The following SLC39A12 variants were observed in gnomAD, a reference collection of about 807,000 sequenced individuals.
SLC39A12 encodes solute carrier family 39 member 12, also known as zinc transporter ZIP12.
In SLC39A12, 63 loss-of-function variants were observed where a neutral mutation model predicts 71.1. That is an observed-to-expected ratio of 0.89 (90% confidence interval 0.72 to 1.09). SLC39A12 has a LOEUF of 1.09. Ranked by LOEUF, SLC39A12 falls within the 50% of genes least tolerant of loss-of-function variation. The pLI is 0.00. For missense variants in SLC39A12, 892 were observed against 812.6 expected (o/e 1.10, Z -1.19); for synonymous variants, 351 against 301.3 (o/e 1.16, Z -1.71).
chr10:17,974,246 C>G (rs1016397908), intron 4 of SLC39A12, among the ~76,000 whole-genome samples: 5 of 152,152 alleles, frequency 3.3e-5, no homozygotes, highest in African/African-American at 1.2e-4. Context: ...CTCTGTTTCT[C>G]CAGAATTGTT....
intron 12 of SLC39A12, among the ~76,000 whole-genome samples, chr10:18,029,776 A>C (rs1466046287): frequency 1.3e-5 from 2 of 151,670 alleles, no homozygotes; most frequent in Non-Finnish European, 2.9e-5. Context: ...AAATGGTGGC[A>C]TTTAAACTCC....
intron 4 of SLC39A12, among the ~76,000 whole-genome samples, chr10:17,976,285 A>G (rs570588000): frequency 2.0e-5 from 3 of 152,198 alleles, no homozygotes; most frequent in Non-Finnish European, 1.5e-5. Context: ...CTCTTTGAAT[A>G]TATCATTTCA....
intron 12 of SLC39A12, among the ~76,000 whole-genome samples, chr10:18,025,203 T>G: frequency 6.6e-6 from 1 of 150,736 alleles, no homozygotes; most frequent in East Asian, 1.9e-4. Context: ...TAATGAAGCA[T>G]TTTACATGGT....
In SLC39A12 at chr10:18,014,019, G is replaced by T. The variant is rs1836309190; in HGVS notation, c.1947+10661G>T. On this transcript the variant is annotated intron_variant, in intron 12 of 12. Transcript: ENST00000377369. ...TTTAAAAAAAGTGATTGGGATTTTG[G>T]TAGAGATTACGTTTAGTCTGTACTT... Among the ~76,000 whole-genome samples the T allele has an allele frequency of 3.3e-5, 5 of 152,170 alleles. No individual in the cohort carries two copies. In the South Asian group the frequency reaches 1.0e-3, roughly 32 times the overall value.
At chr10:17,989,695 G>C (rs971299343) in intron 7 of SLC39A12, among the ~76,000 whole-genome samples, 6 of 152,146 alleles carry the variant, frequency 3.9e-5, no homozygotes, top group African/African-American at 1.4e-4. Flanking sequence ...AAGACAGGCG[G>C]ATCACCTGAG....
At chr10:18,024,040 C>G (rs1305854607) in intron 12 of SLC39A12, among the ~76,000 whole-genome samples, 1 of 152,060 alleles carries the variant, frequency 6.6e-6, no homozygotes, top group Non-Finnish European at 1.5e-5. Context: ...AAAGGGCAGG[C>G]CTGTTGGTTA....
chr10:17,991,169 C>T lies in SLC39A12; in HGVS notation c.1288C>T (p.Gln430Ter). Residue 430 changes from glutamine to a stop codon, truncating the protein, a stop_gained, in exon 8 of 13, where the codon CAG becomes TAG. Transcript: ENST00000377369. LOFTEE classifies it high-confidence loss of function. ...CCTGAAGGTTCTTGGTTTACATAAG[C>T]AGGAAGCCCCAGAATTTGGGCATTT... ...LIPQVLGLHKQEAPEFGHFHE... is the reference protein window; with the variant it reads ...LIPQVLGLHK 1 of 1,535,104 alleles carries T rather than the reference C, an allele frequency of 6.5e-7. No homozygotes were observed. Among genetic ancestry groups the T allele is most frequent in the Non-Finnish European group, 8.7e-7 (1 of 1,148,690 alleles).
At chr10:17,992,695 A>C (rs916582104) in intron 8 of SLC39A12, among the ~76,000 whole-genome samples, 2 of 152,352 alleles carry the variant, frequency 1.3e-5, no homozygotes, top group Admixed American at 6.5e-5. Flanking sequence ...CTGAACATCC[A>C]AAAATGTAGA....
chr10:18,036,415 G>T lies in SLC39A12; in HGVS notation c.1948-6290G>T, dbSNP rs961282960. Among the ~76,000 whole-genome samples, 10 of 152,112 alleles carry T rather than the reference G, an allele frequency of 6.6e-5. No individual in the cohort carries two copies. The East Asian group carries it at 1.8e-3, about 27-fold the overall frequency. Reference sequence around the variant, plus strand: ...CGGGTGGGAGTGACCCGATTTTCCAGGTGCGTCCGTCACCCCTTTCTTTGA... The same window carrying T: ...CGGGTGGGAGTGACCCGATTTTCCATGTGCGTCCGTCACCCCTTTCTTTGA... On this transcript the variant is annotated intron_variant, in intron 12 of 12. Transcript: ENST00000377369.
chr10:18,031,209 T>C (rs1836838614), intron 12 of SLC39A12, among the ~76,000 whole-genome samples: 1 of 147,336 alleles, frequency 6.8e-6, no homozygotes, highest in Admixed American at 6.8e-5. Flanking sequence ...TCTAGATCCC[T>C]GAGGACTCGC....
intron 12 of SLC39A12, among the ~76,000 whole-genome samples, chr10:18,017,368 G>C (rs1054977576): frequency 1.3e-5 from 2 of 152,140 alleles, no homozygotes; most frequent in African/African-American, 4.8e-5. Flanking sequence ...GGGTGCAGTG[G>C]CACGATCTTG....
At chr10:17,975,484 A>G (rs971349405) in intron 4 of SLC39A12, among the ~76,000 whole-genome samples, 1 of 152,106 alleles carries the variant, frequency 6.6e-6, no homozygotes, top group African/African-American at 2.4e-5. Flanking sequence ...GGACCTGGAA[A>G]CAGGACCTTG....
chr10:17,990,142 A>T (rs1835505979), intron 7 of SLC39A12, among the ~76,000 whole-genome samples: 1 of 152,124 alleles, frequency 6.6e-6, no homozygotes, highest in Non-Finnish European at 1.5e-5. Context: ...GTTTTGTTTT[A>T]TGATATTACA....
chr10:17,979,216 T>A (rs2497829), intron 5 of SLC39A12, among the ~76,000 whole-genome samples: 67,320 of 152,010 alleles, frequency 0.44, 15,659 homozygotes, highest in East Asian at 0.62. Flanking sequence ...CAAAATTTTA[T>A]AGAATATAAT....
chr10:17,969,694 C>A (rs968112457), intron 4 of SLC39A12, among the ~76,000 whole-genome samples: 5 of 151,848 alleles, frequency 3.3e-5, no homozygotes, highest in Non-Finnish European at 7.4e-5. Flanking sequence ...GTTATTAATT[C>A]CTGGTGAGAT....
At chr10:17,971,267 C>G (rs1834966444) in intron 4 of SLC39A12, among the ~76,000 whole-genome samples, 1 of 68,498 alleles carries the variant, frequency 1.5e-5, no homozygotes, top group Admixed American at 1.5e-4. Context: ...TGCCCCTCCC[C>G]TCCCCTCCCC....
At chr10:18,019,327 C>G (rs1159979469) in intron 12 of SLC39A12, among the ~76,000 whole-genome samples, 1 of 151,822 alleles carries the variant, frequency 6.6e-6, no homozygotes, top group Non-Finnish European at 1.5e-5. Context: ...TTTTATTAAT[C>G]TTTTCAATGA....
chr10:18,027,123 G>A (rs1265213218), intron 12 of SLC39A12, among the ~76,000 whole-genome samples: 1 of 152,178 alleles, frequency 6.6e-6, no homozygotes, highest in African/African-American at 2.4e-5. Context: ...GTGCTAAATA[G>A]GCCATTAGTA....
At chr10:18,028,662 G>A (rs936467520) in intron 12 of SLC39A12, among the ~76,000 whole-genome samples, 2 of 152,116 alleles carry the variant, frequency 1.3e-5, no homozygotes, top group African/African-American at 4.8e-5. Context: ...TTATTTTAAA[G>A]CTTCGACTTG....
Sources: allele counts gnomAD v4.1 joint callset (sites outside exome capture counted in the v4.1 genomes callset), GRCh38; gene constraint gnomAD v4.1.1; transcripts MANE v1.5; gene names NCBI Gene and HGNC (gene_info 2026-07-23, HGNC 2026-07-21).